FOXP2: variants seen among roughly 807,000 people sequenced by gnomAD.
FOXP2 encodes the protein forkhead box P2.
Under a neutral mutation model 115.8 loss-of-function variants are expected in FOXP2, and 12 were observed. The observed-to-expected ratio is 0.10, with a 90% confidence interval of 0.07 to 0.17. The LOEUF (loss-of-function observed/expected upper bound fraction) is 0.17. Among genes scored for constraint, FOXP2 ranks in the 10% least tolerant of loss-of-function variants. The pLI is 1.00. For missense variants in FOXP2, 629 were observed against 843.5 expected (o/e 0.75, Z 3.15); for synonymous variants, 328 against 297.7 (o/e 1.10, Z -1.05).
At chr7:114,350,877 G>A (rs1771127468) in intron 2 of FOXP2, among the ~76,000 whole-genome samples, 2 of 152,198 alleles carry the variant, frequency 1.3e-5, no homozygotes, top group South Asian at 4.1e-4. Context: ...CCAAAATCCA[G>A]GGATGCTTAA....
chr7:114,669,711 A>C (rs1304843090), intron 16 of FOXP2: 2 of 152,100 alleles, frequency 1.3e-5, no homozygotes, highest in African/African-American at 4.8e-5. Context: ...AGAAGAAAAC[A>C]TGTAGACTAG....
intron 1 of FOXP2, among the ~76,000 whole-genome samples, chr7:114,244,382 G>A (rs1311243674): frequency 1.3e-5 from 2 of 152,056 alleles, no homozygotes; most frequent in African/African-American, 4.8e-5. Context: ...TAAATGTAGT[G>A]GTCCTGTCTC....
intron 3 of FOXP2, among the ~76,000 whole-genome samples, chr7:114,553,981 C>CT (rs1274860875): frequency 6.6e-6 from 1 of 151,782 alleles, no homozygotes; most frequent in Admixed American, 6.6e-5. Context: ...GCTTTTAAAT[C>CT]TTTTTCATAT....
intron 2 of FOXP2, among the ~76,000 whole-genome samples, chr7:114,496,188 A>T (rs768829788): frequency 6.6e-6 from 1 of 152,178 alleles, no homozygotes; most frequent in African/African-American, 2.4e-5. Context: ...ACTGTTTTGA[A>T]AAAGAAAAAT....
At chr7:114,448,243 A>T (rs1794920054) in intron 2 of FOXP2, among the ~76,000 whole-genome samples, 1 of 152,154 alleles carries the variant, frequency 6.6e-6, no homozygotes, top group African/African-American at 2.4e-5. Context: ...TCAAAATTTG[A>T]TTTTTTATAA....
rs969118623 is a variant in FOXP2 at position 114,691,213 on chromosome 7, C to T, written c.*1287C>T. 1 of 453,906 alleles carries T rather than the reference C, an allele frequency of 2.2e-6. No homozygotes were observed. Among genetic ancestry groups the T allele is most frequent in the Admixed American group, 2.4e-5 (1 of 42,540 alleles). The allele number at this position is 453,906 out of a possible 1,614,324, so 28.1% of individuals were successfully genotyped here. On this transcript the variant is annotated 3_prime_UTR_variant, in exon 17 of 17. Transcript: ENST00000350908. ...GTGAATACATGTTGTTAGAAGATGT[C>T]TTGTATGGTCTTAATCTTTGTTGTG... is the stretch of plus-strand genomic sequence containing the variant.
chr7:114,684,810 C>T (rs1215623663), intron 16 of FOXP2, among the ~76,000 whole-genome samples: 1 of 152,006 alleles, frequency 6.6e-6, no homozygotes, highest in African/African-American at 2.4e-5. Flanking sequence ...TAGAAGATTT[C>T]ATTTGTATAT....
chr7:114,370,370 G>C (rs1245346023), intron 2 of FOXP2, among the ~76,000 whole-genome samples: 9 of 152,202 alleles, frequency 5.9e-5, no homozygotes, highest in Admixed American at 5.9e-4. Flanking sequence ...GGCTTTAGGG[G>C]CATCCACTTG....
intron 1 of FOXP2, among the ~76,000 whole-genome samples, chr7:114,199,097 G>A (rs573014709): frequency 7.0e-4 from 106 of 152,170 alleles, no homozygotes; most frequent in Non-Finnish European, 5.9e-4. Context: ...AGCTCACTCA[G>A]CCTCAAATTC....
At chr7:114,562,968 T>C in intron 3 of FOXP2, among the ~76,000 whole-genome samples, 1 of 152,138 alleles carries the variant, frequency 6.6e-6, no homozygotes, top group South Asian at 2.1e-4. Context: ...CAGTTCCACA[T>C]GGCTGGGGAG....
intron 8 of FOXP2, chr7:114,645,065 A>T (rs1805801065): frequency 9.9e-6 from 2 of 201,908 alleles, no homozygotes; most frequent in South Asian, 7.4e-5. Context: ...TTATAACAGA[A>T]CTATTTATAA....
intron 2 of FOXP2, among the ~76,000 whole-genome samples, chr7:114,371,913 A>T (rs971311267): frequency 2.0e-5 from 3 of 152,220 alleles, no homozygotes; most frequent in Non-Finnish European, 4.4e-5. Context: ...CAATAGTAAT[A>T]TTTACTGTTA....
At chr7:114,291,099 T>C (rs1464898854) in intron 2 of FOXP2, among the ~76,000 whole-genome samples, 1 of 152,158 alleles carries the variant, frequency 6.6e-6, no homozygotes, top group Non-Finnish European at 1.5e-5. Flanking sequence ...TATAACAAAG[T>C]ACCATAGACT....
intron 2 of FOXP2, among the ~76,000 whole-genome samples, chr7:114,381,153 A>G (rs1310567036): frequency 1.3e-5 from 2 of 152,222 alleles, no homozygotes; most frequent in Non-Finnish European, 2.9e-5. Context: ...TATGCCAAGG[A>G]ACCTTCTTAG....
chr7:114,286,305 C>G (rs564203242), intron 1 of FOXP2, among the ~76,000 whole-genome samples: 19 of 152,040 alleles, frequency 1.2e-4, no homozygotes, highest in South Asian at 6.2e-4. Context: ...TAGGTTTTCT[C>G]TCTTTGCCCT....
chr7:114,615,117 G>T (rs1337349153), intron 3 of FOXP2, among the ~76,000 whole-genome samples: 2 of 152,100 alleles, frequency 1.3e-5, no homozygotes, highest in African/African-American at 4.8e-5. Flanking sequence ...TACTCGTGAG[G>T]CTGAGTCAGG....
intron 1 of FOXP2, among the ~76,000 whole-genome samples, chr7:114,155,820 A>T (rs1200301386): frequency 6.6e-6 from 1 of 152,140 alleles, no homozygotes; most frequent in Non-Finnish European, 1.5e-5. Context: ...TATGCATAGA[A>T]GAGGGCCAAG....
chr7:114,342,656 A>G (rs1791246327), intron 2 of FOXP2, among the ~76,000 whole-genome samples: 2 of 151,446 alleles, frequency 1.3e-5, no homozygotes, highest in South Asian at 4.2e-4. Context: ...TTTGTTTCAC[A>G]TCAAAGTTAT....
At chr7:114,308,398 G>A (rs1198461538) in intron 2 of FOXP2, among the ~76,000 whole-genome samples, 1 of 152,032 alleles carries the variant, frequency 6.6e-6, no homozygotes, top group Admixed American at 6.6e-5. Flanking sequence ...GGATTACTTT[G>A]GATAAAGTAA....
Sources: gnomAD v4.1 joint callset for allele counts (sites outside exome capture counted in the v4.1 genomes callset) on GRCh38, gnomAD v4.1.1 for gene constraint, MANE v1.5 for transcripts, NCBI Gene and HGNC (gene_info 2026-07-23, HGNC 2026-07-21) for gene names.